Variants in ASTN1 observed in about 807,000 individuals in gnomAD.
The protein encoded by ASTN1 is astrotactin 1.
Under a neutral mutation model 140.7 loss-of-function variants are expected in ASTN1, and 41 were observed. The observed-to-expected ratio is 0.29, with a 90% CI of 0.23 to 0.38. The LOEUF (loss-of-function observed/expected upper bound fraction) is 0.38. Among genes scored for constraint, ASTN1 ranks in the 10% least tolerant of loss-of-function variants. The pLI is 1.00. For synonymous variants in ASTN1, 640 were observed against 652.2 expected, an observed-to-expected ratio of 0.98 and a Z score of 0.29; for missense variants, 1,479 against 1,678.8, an observed-to-expected ratio of 0.88 and a Z score of 2.08.
chr1:177,024,545 TG>T (rs1558038919), intron 6 of ASTN1, 37 bp downstream of exon 6: 1 of 1,602,900 alleles, frequency 6.2e-7, no homozygotes, highest in Non-Finnish European at 8.5e-7. Flanking sequence ...CTTTCCTTTT[TG>T]GGGGGCAAGG....
chr1:177,031,554 G>A (rs923504882), intron 3 of ASTN1, among the ~76,000 whole-genome samples: 1 of 152,188 alleles, frequency 6.6e-6, no homozygotes, highest in Non-Finnish European at 1.5e-5. Flanking sequence ...GAATTTTCAG[G>A]CTTTAAATCT....
intron 1 of ASTN1, among the ~76,000 whole-genome samples, chr1:177,135,606 G>C (rs1163584639): frequency 6.6e-6 from 1 of 152,276 alleles, no homozygotes; most frequent in East Asian, 1.9e-4. Flanking sequence ...GAAAAGCTGG[G>C]GGGTACGGGA....
At chr1:177,100,282 T>C (rs774616752) in intron 1 of ASTN1, among the ~76,000 whole-genome samples, 8 of 152,176 alleles carry the variant, frequency 5.3e-5, no homozygotes, top group Non-Finnish European at 8.8e-5. Flanking sequence ...ATGTCTATTA[T>C]TTTCCATCTC....
chr1:177,019,970 G>A (rs1351056446), intron 7 of ASTN1, among the ~76,000 whole-genome samples: 1 of 151,960 alleles, frequency 6.6e-6, no homozygotes, highest in Non-Finnish European at 1.5e-5. Context: ...CTGCAGCCTC[G>A]ACCTCCCAGA....
chr1:177,130,729 A>G (rs1364720775), intron 1 of ASTN1, among the ~76,000 whole-genome samples: 1 of 152,156 alleles, frequency 6.6e-6, no homozygotes, highest in African/African-American at 2.4e-5. Context: ...CACACTGTCA[A>G]GGGTAATTAA....
intron 1 of ASTN1, among the ~76,000 whole-genome samples, chr1:177,090,238 C>T (rs937257339): frequency 6.6e-6 from 1 of 151,536 alleles, no homozygotes; most frequent in African/African-American, 2.4e-5. Flanking sequence ...ACACAGTACC[C>T]TGTTTATCTA....
chr1:177,108,038 C>T (rs1185368328), intron 1 of ASTN1, among the ~76,000 whole-genome samples: 1 of 151,968 alleles, frequency 6.6e-6, no homozygotes, highest in Non-Finnish European at 1.5e-5. Flanking sequence ...AATATGCTCA[C>T]CCTTCATCTG....
chr1:177,068,297 G>C (rs779696518), intron 1 of ASTN1, among the ~76,000 whole-genome samples: 4 of 152,116 alleles, frequency 2.6e-5, no homozygotes, highest in South Asian at 2.1e-4. Flanking sequence ...AAAAGCTTTA[G>C]AGCAAAATAG....
intron 19 of ASTN1, 106 bp from the exon 20 acceptor site, chr1:176,883,100 C>T (rs1668878730): frequency 1.4e-6 from 2 of 1,468,642 alleles, no homozygotes; most frequent in Non-Finnish European, 1.9e-6. Flanking sequence ...TGATTTGGTC[C>T]TCAATCTCTA....
chr1:176,919,344 A>G (rs928611774), intron 16 of ASTN1, among the ~76,000 whole-genome samples: 4 of 152,254 alleles, frequency 2.6e-5, no homozygotes, highest in Non-Finnish European at 4.4e-5. Flanking sequence ...ACTGTAGATC[A>G]TTAATGATCT....
At position 176,952,396 on chromosome 1, in the gene ASTN1, C is replaced by T. The variant is rs1672230548; in HGVS notation, c.1888-3045G>A. 2.6e-5 allele frequency among the ~76,000 whole-genome samples: 4 copies of T among 151,754 alleles called. No individual in the cohort carries two copies. The South Asian group carries it at 8.3e-4, about 32-fold the overall frequency. ...CAGAGTGACGACCTTGATGGCGAGT[C>T]AAGATCCTCAATCACTGAAAAAGAT... On this transcript the variant is annotated intron_variant, in intron 11 of 22. Coordinates refer to ENST00000361833, the MANE Select transcript of ASTN1 (RefSeq NM_004319.3).
intron 16 of ASTN1, among the ~76,000 whole-genome samples, chr1:176,918,983 C>A (rs530984154): frequency 6.6e-6 from 1 of 152,340 alleles, no homozygotes; most frequent in Non-Finnish European, 1.5e-5. Context: ...CCATCCACAT[C>A]TTGGCATAAG....
chr1:177,150,630 G>A (rs187815813), intron 1 of ASTN1, among the ~76,000 whole-genome samples: 9 of 152,236 alleles, frequency 5.9e-5, no homozygotes, highest in Non-Finnish European at 8.8e-5. Context: ...TTTGTGGTTC[G>A]AGTAGGGCCA....
At chr1:176,935,218 G>A (rs866297356) in intron 15 of ASTN1, among the ~76,000 whole-genome samples, 1 of 152,164 alleles carries the variant, frequency 6.6e-6, no homozygotes, top group African/African-American at 2.4e-5. Flanking sequence ...CTCAGCTTGA[G>A]ACCTCAGGTG....
At chr1:177,100,079 T>C (rs1680225854) in intron 1 of ASTN1, among the ~76,000 whole-genome samples, 1 of 152,132 alleles carries the variant, frequency 6.6e-6, no homozygotes, top group African/African-American at 2.4e-5. Flanking sequence ...GACTTATTCC[T>C]AGGCACCTAA....
At chr1:177,028,857 A>C (rs1323435961) in intron 5 of ASTN1, among the ~76,000 whole-genome samples, 1 of 152,238 alleles carries the variant, frequency 6.6e-6, no homozygotes, top group African/African-American at 2.4e-5. Context: ...TGAAGGTCAG[A>C]GAACTTGTTG....
In ASTN1 at chr1:177,013,030, G is replaced by A. The variant is rs115175965; in HGVS notation, c.1523+1761C>T. On this transcript the variant is annotated intron_variant, in intron 8 of 22. Transcript: ENST00000361833. ...ATTTCAGAGGCAAAGATGGTAAGGG[G>A]ACTCCATAGAATGTAAATAGCCAGT... Among the ~76,000 whole-genome samples, 652 of 152,262 alleles carry A rather than the reference G, an allele frequency of 4.3e-3. 6 individuals are homozygous for A. The highest frequency in any genetic ancestry group is 0.015 in the African/African-American group (627 of 41,546).
chr1:176,949,996 A>G (rs1672130766), intron 11 of ASTN1, among the ~76,000 whole-genome samples: 1 of 152,212 alleles, frequency 6.6e-6, no homozygotes, highest in Non-Finnish European at 1.5e-5. Flanking sequence ...GGTCACCCAC[A>G]GGTGCTGCAC....
chr1:177,032,875 TGTGGGAAGATGG>T, intron 2 of ASTN1, 26 bp from the exon 3 acceptor site: 1 of 1,558,250 alleles, frequency 6.4e-7, no homozygotes. Flanking sequence ...CACAGATGGA[TGTGGGAAGATGG>T]GTAGGCTCTT....
Sources: allele counts gnomAD v4.1 joint callset (sites outside exome capture counted in the v4.1 genomes callset), GRCh38; gene constraint gnomAD v4.1.1; transcripts MANE v1.5; gene names NCBI Gene and HGNC (gene_info 2026-07-23, HGNC 2026-07-21).